Variants in CNTN5 observed in about 807,000 individuals in gnomAD.
CNTN5 encodes the protein contactin-5.
A neutral mutation model predicts 129.1 loss-of-function variants in CNTN5; 77 were observed. The observed-to-expected ratio is 0.60, with a 90% CI of 0.50 to 0.72. The LOEUF is 0.72. Ranked by LOEUF, CNTN5 falls within the 30% of genes least tolerant of loss-of-function variation. The pLI is 0.00. For synonymous variants in CNTN5, 509 were observed against 465.6 expected, an observed-to-expected ratio of 1.09 and a Z score of -1.20; for missense variants, 1,478 against 1,328.8, an observed-to-expected ratio of 1.11 and a Z score of -1.75.
At chr11:100,006,192 C>CATGCTG (rs1306774165) in intron 9 of CNTN5, among the ~76,000 whole-genome samples, 1 of 152,120 alleles carries the variant, frequency 6.6e-6, no homozygotes, top group African/African-American at 2.4e-5. Context: ...AAAAATTGCT[C>CATGCTG]ATGCTGATAT....
At chr11:99,171,811 A>G (rs897302401) in intron 1 of CNTN5, among the ~76,000 whole-genome samples, 4 of 152,316 alleles carry the variant, frequency 2.6e-5, no homozygotes, top group African/African-American at 9.6e-5. Flanking sequence ...TTAATAATCA[A>G]TAATTACAAT....
chr11:99,967,568 A>C (rs1951128380), intron 8 of CNTN5, among the ~76,000 whole-genome samples: 1 of 152,172 alleles, frequency 6.6e-6, no homozygotes, highest in Admixed American at 6.6e-5. Context: ...CACTAAAAAC[A>C]AGACCAACTC....
chr11:99,501,460 C>T (rs1946424299), intron 2 of CNTN5, among the ~76,000 whole-genome samples: 1 of 152,188 alleles, frequency 6.6e-6, no homozygotes, highest in Non-Finnish European at 1.5e-5. Context: ...TGAGTCCTTT[C>T]CCAACTAAGT....
chr11:99,973,510 C>A (rs1039941430), intron 8 of CNTN5, among the ~76,000 whole-genome samples: 4 of 152,040 alleles, frequency 2.6e-5, no homozygotes, highest in Non-Finnish European at 5.9e-5. Context: ...CCTTGCATTG[C>A]CATTCTTAAT....
At chr11:99,131,569 C>T (rs1245220818) in intron 1 of CNTN5, among the ~76,000 whole-genome samples, 1 of 151,988 alleles carries the variant, frequency 6.6e-6, no homozygotes, top group Non-Finnish European at 1.5e-5. Context: ...AAGGGAGATA[C>T]CACCAATGAC....
chr11:99,724,775 C>G (rs1235413931), intron 3 of CNTN5, among the ~76,000 whole-genome samples: 1 of 152,114 alleles, frequency 6.6e-6, no homozygotes, highest in Non-Finnish European at 1.5e-5. Flanking sequence ...TACAAAAACA[C>G]AGCAGGAAGA....
At chr11:99,053,868 G>A (rs1018712898) in intron 1 of CNTN5, among the ~76,000 whole-genome samples, 16 of 151,746 alleles carry the variant, frequency 1.1e-4, no homozygotes, top group African/African-American at 3.9e-4. Context: ...AAGTAATTTT[G>A]GATCCTATAT....
rs1215252876 is a variant in CNTN5, at chr11:99,247,359, G to A, written c.-209-77987G>A. Among the ~76,000 whole-genome samples the A allele has an allele frequency of 2.0e-5, 3 of 152,170 alleles. No individual in the cohort carries two copies. In the East Asian group the frequency reaches 5.8e-4, roughly 29 times the overall value. ...ATTCATGTAAAGACTCTACTCCAAA[G>A]TCTGATGTACCATATACACAGACTT... On this transcript the variant is annotated intron_variant, in intron 1 of 24. Transcript: ENST00000524871.
intron 3 of CNTN5, among the ~76,000 whole-genome samples, chr11:99,618,395 C>A (rs1202214123): frequency 6.6e-6 from 1 of 152,092 alleles, no homozygotes; most frequent in Non-Finnish European, 1.5e-5. Flanking sequence ...AGTCATTTTA[C>A]AAATATATGG....
rs563671658 is a variant in CNTN5, at chr11:100,134,428, G to A, written c.1581-56698G>A. Among the ~76,000 whole-genome samples the A allele has an allele frequency of 3.9e-5, 6 of 152,212 alleles. No homozygotes were observed. The East Asian group carries it at 7.7e-4, about 20-fold the overall frequency. ...ACCTCAGTGTCACAAATTATGACAC[G>A]GGTGGTAGGAATTTAAATGAGATAA... is the stretch of plus-strand genomic sequence containing the variant. On this transcript the variant is annotated intron_variant, in intron 13 of 24. Coordinates refer to ENST00000524871, the MANE Select transcript of CNTN5 (RefSeq NM_014361.4).
intron 1 of CNTN5, among the ~76,000 whole-genome samples, chr11:99,203,789 G>A (rs1376974574): frequency 6.6e-6 from 1 of 151,946 alleles, no homozygotes; most frequent in Admixed American, 6.6e-5. Flanking sequence ...AGTAGAGATG[G>A]GTTTTGCCAT....
intron 24 of CNTN5, among the ~76,000 whole-genome samples, chr11:100,352,720 A>T (rs945500632): frequency 6.6e-6 from 1 of 151,838 alleles, no homozygotes; most frequent in Non-Finnish European, 1.5e-5. Flanking sequence ...AATATGCTTT[A>T]TGGTTCATTT....
At chr11:100,204,003 C>T (rs1289063276) in intron 15 of CNTN5, among the ~76,000 whole-genome samples, 1 of 151,742 alleles carries the variant, frequency 6.6e-6, no homozygotes, top group African/African-American at 2.4e-5. Context: ...CAAACTGCAG[C>T]ATTTGCCTCC....
intron 3 of CNTN5, among the ~76,000 whole-genome samples, chr11:99,588,214 G>A (rs1949865748): frequency 1.3e-5 from 2 of 152,008 alleles, no homozygotes; most frequent in Admixed American, 1.3e-4. Context: ...CCTATTGGCG[G>A]ACGCCTATAG....
intron 1 of CNTN5, among the ~76,000 whole-genome samples, chr11:99,275,008 GT>G (rs1331365777): frequency 1.3e-5 from 2 of 151,222 alleles, no homozygotes; most frequent in East Asian, 3.9e-4. Flanking sequence ...AGTATCCAGG[GT>G]TTTATATATT....
chr11:99,116,417 T>C (rs1858047649), intron 1 of CNTN5, among the ~76,000 whole-genome samples: 1 of 152,208 alleles, frequency 6.6e-6, no homozygotes, highest in African/African-American at 2.4e-5. Flanking sequence ...ATATCTGCAC[T>C]TAAATTATTA....
intron 3 of CNTN5, among the ~76,000 whole-genome samples, chr11:99,680,879 A>T (rs1953521107): frequency 6.6e-6 from 1 of 151,946 alleles, no homozygotes; most frequent in Admixed American, 6.6e-5. Context: ...AGTAAATTAA[A>T]AACCTTTTGA....
intron 3 of CNTN5, among the ~76,000 whole-genome samples, chr11:99,807,935 A>G (rs1238298328): frequency 6.6e-6 from 1 of 152,166 alleles, no homozygotes; most frequent in Non-Finnish European, 1.5e-5. Context: ...CTCTTCAGGT[A>G]CCACCGTTTT....
At chr11:100,021,044 A>G (rs1194646552) in intron 9 of CNTN5, among the ~76,000 whole-genome samples, 1 of 152,122 alleles carries the variant, frequency 6.6e-6, no homozygotes, top group East Asian at 1.9e-4. Flanking sequence ...TTCCAGTTCT[A>G]TGATTTCTAA....
Sources: allele counts gnomAD v4.1 joint callset (sites outside exome capture counted in the v4.1 genomes callset), GRCh38; gene constraint gnomAD v4.1.1; transcripts MANE v1.5; gene names NCBI Gene and HGNC (gene_info 2026-07-23, HGNC 2026-07-21).